The following EFNA5 variants were observed in gnomAD, a reference collection of about 807,000 sequenced individuals.
EFNA5 encodes ephrin A5, also known as ephrin-A5.
A neutral mutation model predicts 22.9 loss-of-function variants in EFNA5; 5 were observed. That is an observed-to-expected ratio of 0.22 (90% CI 0.11 to 0.46). EFNA5 has a LOEUF of 0.46. Among genes scored for constraint, EFNA5 ranks in the 20% least tolerant of loss-of-function variants. The pLI is 0.99. For synonymous variants in EFNA5, 113 were observed against 112.2 expected, an observed-to-expected ratio of 1.01 and a Z score of -0.04; for missense variants, 237 against 293.3, an observed-to-expected ratio of 0.81 and a Z score of 1.40.
At chr5:107,427,195 C>A (rs1207498018) in intron 2 of EFNA5, 22 bp downstream of exon 2, 2 of 1,613,708 alleles carry the variant, frequency 1.2e-6, no homozygotes, top group Non-Finnish European at 8.5e-7. Flanking sequence ...CCCTACAACA[C>A]GATAAATCTC....
At position 107,377,002 on chromosome 5, in the gene EFNA5, C is replaced by A. The variant is rs1747280575; in HGVS notation, c.*4253G>T. On this transcript the variant is annotated 3_prime_UTR_variant, in exon 5 of 5. Transcript: ENST00000333274. ...TTTGTGTGTGGGTTTTTTTTTTTTA[C>A]ATTTTCTTTTACGTTTATATAATGT... 6.7e-6 allele frequency: 1 copy of A among 149,006 alleles called. No homozygotes were observed. The highest frequency in any genetic ancestry group is 2.1e-4 in the South Asian group (1 of 4,758). 9.2% of individuals were successfully genotyped at this position (149,006 alleles called of 1,614,324 possible).
chr5:107,482,268 TG>T (rs1370134889), intron 1 of EFNA5, among the ~76,000 whole-genome samples: 1 of 150,972 alleles, frequency 6.6e-6, no homozygotes, highest in Non-Finnish European at 1.5e-5. Context: ...GTCGTGCCAC[TG>T]TACTCCAGCC....
intron 1 of EFNA5, among the ~76,000 whole-genome samples, chr5:107,437,336 T>C (rs1163608733): frequency 6.6e-6 from 1 of 152,152 alleles, no homozygotes; most frequent in East Asian, 1.9e-4. Flanking sequence ...TCTATGGAAA[T>C]TGGCACGTGC....
chr5:107,401,935 GCTCT>G (rs1748097117), intron 2 of EFNA5, among the ~76,000 whole-genome samples: 1 of 152,140 alleles, frequency 6.6e-6, no homozygotes, highest in Non-Finnish European at 1.5e-5. Context: ...TTACAACCCA[GCTCT>G]CTCTATTAAA....
intron 1 of EFNA5, among the ~76,000 whole-genome samples, chr5:107,479,381 C>A (rs886169304): frequency 1.3e-5 from 2 of 152,056 alleles, no homozygotes; most frequent in Non-Finnish European, 2.9e-5. Context: ...GAGCAGTGCC[C>A]AGGCTACCCT....
chr5:107,459,106 A>G (rs1749770193), intron 1 of EFNA5, among the ~76,000 whole-genome samples: 1 of 152,144 alleles, frequency 6.6e-6, no homozygotes, highest in Non-Finnish European at 1.5e-5. Context: ...GGACCTCAAA[A>G]TATCAATTGG....
At chr5:107,480,038 A>T (rs891827530) in intron 1 of EFNA5, among the ~76,000 whole-genome samples, 1 of 152,226 alleles carries the variant, frequency 6.6e-6, no homozygotes, top group African/African-American at 2.4e-5. Context: ...TAATTCTACA[A>T]TGTGATGTCT....
chr5:107,499,385 T>A (rs896580819), intron 1 of EFNA5, among the ~76,000 whole-genome samples: 4 of 152,218 alleles, frequency 2.6e-5, no homozygotes, highest in African/African-American at 9.6e-5. Flanking sequence ...CAACTGTTGT[T>A]AATCCACCTT....
chr5:107,618,915 G>A (rs1749977072), intron 1 of EFNA5, among the ~76,000 whole-genome samples: 1 of 151,760 alleles, frequency 6.6e-6, no homozygotes, highest in Non-Finnish European at 1.5e-5. Context: ...TATGCCAGTT[G>A]TGTACTCTTT....
At chr5:107,459,963 G>A (rs1045167661) in intron 1 of EFNA5, among the ~76,000 whole-genome samples, 7 of 152,222 alleles carry the variant, frequency 4.6e-5, no homozygotes, top group South Asian at 2.1e-4. Flanking sequence ...CACTCTGCAC[G>A]CCTCAAACGC....
At chr5:107,542,295 G>A (rs959719047) in intron 1 of EFNA5, among the ~76,000 whole-genome samples, 1 of 152,120 alleles carries the variant, frequency 6.6e-6, no homozygotes, top group Non-Finnish European at 1.5e-5. Flanking sequence ...AACTGTCAAA[G>A]AATAAAAAGT....
intron 2 of EFNA5, among the ~76,000 whole-genome samples, chr5:107,400,434 C>A (rs995280505): frequency 1.3e-5 from 2 of 152,158 alleles, no homozygotes; most frequent in Non-Finnish European, 2.9e-5. Flanking sequence ...CTCAGAGAAG[C>A]CTCCTATGAC....
At chr5:107,456,644 T>C (rs1473530275) in intron 1 of EFNA5, among the ~76,000 whole-genome samples, 4 of 152,172 alleles carry the variant, frequency 2.6e-5, no homozygotes, top group Non-Finnish European at 4.4e-5. Flanking sequence ...GTCTCTACAC[T>C]AGTTGAACAA....
chr5:107,428,750 G>A (rs60875664), intron 1 of EFNA5, among the ~76,000 whole-genome samples: 2 of 152,166 alleles, frequency 1.3e-5, no homozygotes, highest in South Asian at 4.1e-4. Context: ...CTTCCCAGTG[G>A]CAGTGAGATA....
At chr5:107,412,785 G>T (rs1310062351) in intron 2 of EFNA5, among the ~76,000 whole-genome samples, 1 of 152,162 alleles carries the variant, frequency 6.6e-6, no homozygotes, top group Non-Finnish European at 1.5e-5. Context: ...GAACCACAGT[G>T]AACTGAATTA....
chr5:107,588,065 A>G (rs1749230037), intron 1 of EFNA5, among the ~76,000 whole-genome samples: 1 of 152,202 alleles, frequency 6.6e-6, no homozygotes, highest in Non-Finnish European at 1.5e-5. Flanking sequence ...AGATGAAGCT[A>G]AAAACTCCCA....
In EFNA5 at chr5:107,616,872, G is replaced by T. The variant is rs112525818; in HGVS notation, c.125+53617C>A. On this transcript the variant is annotated intron_variant, in intron 1 of 4. Transcript: ENST00000333274. Reference sequence around the variant, plus strand: ...CAAATATTAATTTGAATGAGTTCAGGTCCTTTTGATTACATCTGAAAATAG... The same window carrying T: ...CAAATATTAATTTGAATGAGTTCAGTTCCTTTTGATTACATCTGAAAATAG... Among the ~76,000 whole-genome samples the T allele has an allele frequency of 5.9e-3, 897 of 152,152 alleles. 9 individuals carry two copies. The highest frequency in any genetic ancestry group is 0.021 in the African/African-American group (852 of 41,508).
chr5:107,450,175 C>T (rs375621019), intron 1 of EFNA5, among the ~76,000 whole-genome samples: 25 of 152,232 alleles, frequency 1.6e-4, no homozygotes, highest in African/African-American at 2.9e-4. Flanking sequence ...AGAGAGGGAA[C>T]GGGATATGCC....
At chr5:107,459,072 G>T (rs10040134) in intron 1 of EFNA5, among the ~76,000 whole-genome samples, 3 of 151,856 alleles carry the variant, frequency 2.0e-5, no homozygotes, top group South Asian at 4.2e-4. Context: ...TCAAATTTAC[G>T]TTTAAATTAA....
Sources: allele counts gnomAD v4.1 joint callset (sites outside exome capture counted in the v4.1 genomes callset), GRCh38; gene constraint gnomAD v4.1.1; transcripts MANE v1.5; gene names NCBI Gene and HGNC (gene_info 2026-07-23, HGNC 2026-07-21).